The following FAM76B variants were observed in gnomAD, a reference collection of about 807,000 sequenced individuals.
The protein encoded by FAM76B is family with sequence similarity 76 member B.
A neutral mutation model predicts 51.8 loss-of-function variants in FAM76B; 16 were observed. That is an observed-to-expected ratio of 0.31 (90% confidence interval 0.21 to 0.47). FAM76B has a LOEUF of 0.47. Among genes scored for constraint, FAM76B ranks in the 20% least tolerant of loss-of-function variants. The pLI is 1.00. For synonymous variants in FAM76B, 166 were observed against 129.5 expected, an observed-to-expected ratio of 1.28 and a Z score of -1.91; for missense variants, 342 against 392.6, an observed-to-expected ratio of 0.87 and a Z score of 1.09.
At position 95,789,485 on chromosome 11, in the gene FAM76B, C is replaced by G. The variant is rs368026818; in HGVS notation, c.-7G>C. ...ACAGGGCCGAGGCCGCCATCCTGCT[C>G]CTCAGTCTCCTCCTCCGCCGCCGCC... On this transcript the variant is annotated 5_prime_UTR_variant, in exon 1 of 10. Transcript: ENST00000358780. The G allele has an allele frequency of 4.4e-6, 7 of 1,597,116 alleles. No individual in the cohort carries two copies. Among genetic ancestry groups the G allele is most frequent in the Non-Finnish European group, 6.0e-6 (7 of 1,172,452 alleles).
At chr11:95,787,234 CAGT>C (rs1198159890) in intron 3 of FAM76B, among the ~76,000 whole-genome samples, 6 of 151,930 alleles carry the variant, frequency 3.9e-5, no homozygotes, top group East Asian at 3.9e-4. Context: ...AAGAGCATAG[CAGT>C]AGTTTTTTTT....
chr11:95,783,056 A>G lies in FAM76B; in HGVS notation c.563+9T>C. On this transcript the variant is annotated intron_variant, in intron 5 of 9. Transcript: ENST00000358780. ...AGAGTTTTAGAAAATATGATTTCAA[A>G]GTACTTACTTGTGATGGCTACTGCT... 6.2e-7 allele frequency: 1 copy of G among 1,611,452 alleles called. No homozygotes were observed. Among genetic ancestry groups the G allele is most frequent in the Non-Finnish European group, 8.5e-7 (1 of 1,178,806 alleles).
intron 4 of FAM76B, among the ~76,000 whole-genome samples, chr11:95,784,884 G>A (rs913063071): frequency 6.6e-6 from 1 of 152,074 alleles, no homozygotes; most frequent in African/African-American, 2.4e-5. Flanking sequence ...ACCATGCCTG[G>A]CCAATCGACA....
chr11:95,779,262 A>T (rs1860146600), intron 7 of FAM76B: 1 of 733,026 alleles, frequency 1.4e-6, no homozygotes, highest in Admixed American at 2.7e-5. Flanking sequence ...AGTAACGCTC[A>T]TAATATTTTT....
rs1231598487 is a variant in FAM76B, at chr11:95,783,227, G to A, written c.401C>T (p.Ser134Leu). 2 of 1,613,408 alleles carry A rather than the reference G, an allele frequency of 1.2e-6. No homozygotes were observed. The highest frequency in any genetic ancestry group is 1.7e-5 in the Admixed American group (1 of 60,004). Residue 134 changes from serine (S) to leucine (L), a missense_variant, in exon 5 of 10, where the codon TCG (serine) becomes TTG (leucine). Physicochemically the swap from Ser to Leu is moderately radical, Grantham distance 145. Around this residue, in one of 3 missense-constraint regions of FAM76B, gnomAD observed 230 missense variants for 257.4 expected, o/e 0.89. Coordinates refer to ENST00000358780, the MANE Select transcript of FAM76B (RefSeq NM_144664.5). Reference sequence around the variant, plus strand: ...CGTCTTCTGTAAAACTCTTTTGTACGATAAAGTACAGAGCCAGCATAATAA... The same window carrying A: ...CGTCTTCTGTAAAACTCTTTTGTACAATAAAGTACAGAGCCAGCATAATAA... ...GKLLCWLCTLSYKRVLQKTKE... is the reference protein window; with the variant it reads ...GKLLCWLCTLLYKRVLQKTKE...
chr11:95,787,706 G>A (rs1591027914), intron 2 of FAM76B, 28 bp from the exon 3 acceptor site: 6 of 1,548,220 alleles, frequency 3.9e-6, no homozygotes, highest in Non-Finnish European at 5.3e-6. Context: ...TATAGATCAT[G>A]TTTATGTAGC....
In FAM76B at chr11:95,779,876, T is replaced by C. The variant is rs775189825; in HGVS notation, c.611+3A>G. On this transcript the variant is annotated splice_donor_region_variant and intron_variant, in intron 6 of 9. Transcript: ENST00000358780. ...ACTTCAGAAAATACAGCAATGTATT[T>C]ACCTCTGTTTCCACAGTCCCTGCTC... is the stretch of plus-strand genomic sequence containing the variant. 4.4e-6 allele frequency: 7 copies of C among 1,603,184 alleles called. No homozygotes were observed.
At chr11:95,772,133 A>C (rs1393165652) in intron 9 of FAM76B, among the ~76,000 whole-genome samples, 2 of 151,130 alleles carry the variant, frequency 1.3e-5, no homozygotes, top group Non-Finnish European at 3.0e-5. Context: ...ATAAGAGGTC[A>C]TTTTTGCAAA....
chr11:95,779,872 T>G lies in FAM76B; in HGVS notation c.611+7A>C, dbSNP rs1043318287. 2 of 1,601,868 alleles carry G rather than the reference T, an allele frequency of 1.2e-6. No individual in the cohort carries two copies. The highest frequency in any genetic ancestry group is 2.7e-5 in the African/African-American group (2 of 74,172). On this transcript the variant is annotated splice_region_variant and intron_variant, in intron 6 of 9. Transcript: ENST00000358780. ...AAATACTTCAGAAAATACAGCAATG[T>G]ATTTACCTCTGTTTCCACAGTCCCT...
chr11:95,778,983 T>C (rs1392892470), intron 7 of FAM76B, 26 bp from the exon 8 acceptor site: 1 of 1,604,516 alleles, frequency 6.2e-7, no homozygotes, highest in East Asian at 2.2e-5. Context: ...TAAAACACAG[T>C]TAAATGAAGT....
In FAM76B at chr11:95,778,850, T is replaced by C; in HGVS notation, c.800A>G (p.Asp267Gly). The change falls in exon 8 of 10, where the codon GAC becomes GGC. Residue 267 changes from aspartate (D) to glycine (G), a missense_variant. Asp to Gly is a moderately conservative substitution (Grantham distance 94). Coordinates refer to ENST00000358780, the MANE Select transcript of FAM76B (RefSeq NM_144664.5). ...MSLKRLLQQR[D>G]QTILEKDKKL... ...TTTATCTTTTTCTAAAATGGTCTGGTCTCTCTGCTGTAAGAGACGCTTAAG... is the reference window on the plus strand; with the variant it reads ...TTTATCTTTTTCTAAAATGGTCTGGCCTCTCTGCTGTAAGAGACGCTTAAG... 6.2e-7 allele frequency: 1 copy of C among 1,608,868 alleles called. No individual in the cohort carries two copies. Among genetic ancestry groups the C allele is most frequent in the Non-Finnish European group, 8.5e-7 (1 of 1,177,460 alleles).
At chr11:95,784,579 C>T (rs1054840276) in intron 4 of FAM76B, among the ~76,000 whole-genome samples, 3 of 151,042 alleles carry the variant, frequency 2.0e-5, no homozygotes, top group Middle Eastern at 3.4e-3. Flanking sequence ...TATACACACA[C>T]ACACACACAC....
At position 95,778,333 on chromosome 11, in the gene FAM76B, T is replaced by C. The variant is rs373262436; in HGVS notation, c.828+489A>G. 1.5e-4 allele frequency among the ~76,000 whole-genome samples: 22 copies of C among 151,592 alleles called. No homozygotes were observed. In the East Asian group the frequency reaches 1.7e-3, roughly 12 times the overall value. ...ATAAGTACACTTACTTCCTACACAA[T>C]GAGCTTTTAGACATCTATTGCTAAT... On this transcript the variant is annotated intron_variant, in intron 8 of 9. Transcript: ENST00000358780.
intron 4 of FAM76B, among the ~76,000 whole-genome samples, chr11:95,785,052 T>C (rs1026706167): frequency 2.0e-5 from 3 of 152,240 alleles, no homozygotes; most frequent in African/African-American, 4.8e-5. Context: ...ACAGTTTTAG[T>C]TACCCATAGT....
chr11:95,773,747 C>T (rs878965450), intron 9 of FAM76B, among the ~76,000 whole-genome samples: 1 of 151,206 alleles, frequency 6.6e-6, no homozygotes, highest in Admixed American at 6.6e-5. Context: ...ATGTTAGGTC[C>T]CTTTTCCTTT....
rs922069575 is a variant in FAM76B, at chr11:95,770,783, T to C, written c.*778A>G. 3.9e-5 allele frequency: 6 copies of C among 151,914 alleles called. No homozygotes were observed. Among genetic ancestry groups the C allele is most frequent in the African/African-American group, 9.6e-5 (4 of 41,496 alleles). The allele number at this position is 151,914 out of a possible 1,614,324, so 9.4% of individuals were successfully genotyped here. On this transcript the variant is annotated 3_prime_UTR_variant, in exon 10 of 10. Transcript: ENST00000358780. Reference sequence around the variant, plus strand: ...CTTTTGAAATAGGCTTCTGTACATATGCATTTATATACAAACATTTATTAA... The same window carrying C: ...CTTTTGAAATAGGCTTCTGTACATACGCATTTATATACAAACATTTATTAA...
intron 7 of FAM76B, 36 bp from the exon 8 acceptor site, chr11:95,778,993 T>C (rs779857395): frequency 5.2e-5 from 83 of 1,603,152 alleles, no homozygotes; most frequent in Non-Finnish European, 6.8e-5. Flanking sequence ...TTAAATGAAG[T>C]AGAAGGAAAA....
chr11:95,779,038 T>A, intron 7 of FAM76B, 81 bp from the exon 8 acceptor site: 3 of 1,594,954 alleles, frequency 1.9e-6, no homozygotes, highest in Non-Finnish European at 2.6e-6. Flanking sequence ...ATTAGACAAT[T>A]CCACAAACAT....
chr11:95,782,977 A>G, intron 5 of FAM76B, 88 bp downstream of exon 5: 1 of 1,515,850 alleles, frequency 6.6e-7, no homozygotes, highest in East Asian at 2.3e-5. Context: ...AGACTAGCAC[A>G]TAGTCAATAT....
Sources: gnomAD v4.1 joint callset for allele counts (sites outside exome capture counted in the v4.1 genomes callset) on GRCh38, gnomAD v4.1.1 for gene constraint, gnomAD v4.1.1 regional missense constraint, MANE v1.5 for transcripts, NCBI Gene and HGNC (gene_info 2026-07-23, HGNC 2026-07-21) for gene names.